Variants in AK9 observed in about 807,000 individuals in gnomAD.
AK9 encodes adenylate kinase 9.
In AK9, 191 loss-of-function variants were observed where a neutral mutation model predicts 239.6. The observed-to-expected ratio is 0.80, with a 90% CI of 0.71 to 0.90. AK9 has a LOEUF of 0.90. Among genes scored for constraint, AK9 ranks in the 40% least tolerant of loss-of-function variants. AK9 has a pLI of 0.00. For missense variants in AK9, 1,995 were observed against 2,214.7 expected, an observed-to-expected ratio of 0.90 and a Z score of 1.99; for synonymous variants, 689 against 721.0, an observed-to-expected ratio of 0.96 and a Z score of 0.71.
intron 8 of AK9, among the ~76,000 whole-genome samples, chr6:109,650,545 C>T (rs565904522): frequency 2.0e-5 from 3 of 151,926 alleles, no homozygotes; most frequent in Non-Finnish European, 4.4e-5. Flanking sequence ...CATCTCACAC[C>T]AGTTAGAATG....
intron 35 of AK9, among the ~76,000 whole-genome samples, chr6:109,500,427 T>C (rs908652366): frequency 6.6e-6 from 1 of 152,204 alleles, no homozygotes; most frequent in Non-Finnish European, 1.5e-5. Context: ...TAAGATGTTA[T>C]AGAAAATAAA....
chr6:109,645,498 G>A (rs556798563), intron 8 of AK9, among the ~76,000 whole-genome samples: 2 of 152,192 alleles, frequency 1.3e-5, no homozygotes, highest in East Asian at 1.9e-4. Context: ...CAGCAGCCAG[G>A]CTGGGCGAGG....
At chr6:109,567,996 T>C (rs1786831688) in intron 21 of AK9, among the ~76,000 whole-genome samples, 1 of 151,866 alleles carries the variant, frequency 6.6e-6, no homozygotes, top group African/African-American at 2.4e-5. Flanking sequence ...TTTAGACCAA[T>C]GTCCCTGATG....
chr6:109,559,202 T>A (rs1785415264), intron 24 of AK9, among the ~76,000 whole-genome samples: 1 of 150,628 alleles, frequency 6.6e-6, no homozygotes, highest in Admixed American at 6.7e-5. Context: ...GGGGTCTCTC[T>A]CTGTCGCCCA....
chr6:109,575,925 T>C (rs191981351), intron 20 of AK9, among the ~76,000 whole-genome samples: 74 of 152,292 alleles, frequency 4.9e-4, no homozygotes, highest in African/African-American at 1.8e-3. Flanking sequence ...GGGTGTCCTT[T>C]CTCCATTTTA....
chr6:109,618,966 G>T, intron 13 of AK9, 126 bp downstream of exon 13: 1 of 1,061,010 alleles, frequency 9.4e-7, no homozygotes, highest in Non-Finnish European at 1.3e-6. Context: ...TCAACCATTT[G>T]TTAAGAGTCT....
In AK9 at chr6:109,579,532, A is replaced by G. The variant is rs9480979; in HGVS notation, c.2191+18T>C. 1,582 of 1,546,520 alleles carry G rather than the reference A, an allele frequency of 1.0e-3. 17 individuals carry two copies. The African/African-American group carries it at 0.02, about 19-fold the overall frequency. On this transcript the variant is annotated intron_variant, in intron 20 of 40. Transcript: ENST00000424296. Reference sequence around the variant, plus strand: ...ACAATACCATGACACATCATCAGTCATAGCAATCTGTGCTTGCCTTTTGCC... The same window carrying G: ...ACAATACCATGACACATCATCAGTCGTAGCAATCTGTGCTTGCCTTTTGCC...
In AK9 at chr6:109,529,050, C is replaced by A; in HGVS notation, c.3594G>T (p.Arg1198Ser). ...TATCTCTCTCTAATATAAGTTCAGC[C>A]CTTCTTTTAGCAATCGTATCAACCT... ...KIRVDTIAKR[R>S]AELILERDKK... Residue 1198 changes from arginine to serine, a missense_variant, in exon 29 of 41, where the codon AGG becomes AGT. Coordinates refer to ENST00000424296, the MANE Select transcript of AK9 (RefSeq NM_001145128.3). 6.3e-7 allele frequency: 1 copy of A among 1,584,336 alleles called. No homozygotes were observed. Among genetic ancestry groups the A allele is most frequent in the Non-Finnish European group, 8.5e-7 (1 of 1,171,874 alleles).
chr6:109,579,001 T>C (rs1441659025), intron 20 of AK9, among the ~76,000 whole-genome samples: 1 of 152,250 alleles, frequency 6.6e-6, no homozygotes, highest in Non-Finnish European at 1.5e-5. Flanking sequence ...ATGTATATTC[T>C]GCAGTTGTTG....
At chr6:109,614,099 T>G in intron 15 of AK9, 84 bp downstream of exon 15, 1 of 1,350,486 alleles carries the variant, frequency 7.4e-7, no homozygotes, top group South Asian at 1.3e-5. Context: ...GGGGGTAATT[T>G]TAAGCATAAA....
In AK9 at chr6:109,516,506, G is replaced by A; in HGVS notation, c.3770C>T (p.Thr1257Ile). 1 of 1,551,728 alleles carries A rather than the reference G, an allele frequency of 6.4e-7. No homozygotes were observed. The highest frequency in any genetic ancestry group is 8.7e-7 in the Non-Finnish European group (1 of 1,146,992). ...ACCTCTCAGGCGCTCAATTGCATCA[G>A]TTTCCTGTTCTTCATCTTCCTCGCC... is the stretch of plus-strand genomic sequence containing the variant. ...MSGEEDEEQE[T>I]DAIERLRGEL... is the part of the protein sequence containing the mutation. Residue 1257 changes from threonine to isoleucine, a missense_variant, in exon 30 of 41, where the codon ACT becomes ATT. Coordinates refer to ENST00000424296, the MANE Select transcript of AK9 (RefSeq NM_001145128.3).
intron 27 of AK9, among the ~76,000 whole-genome samples, chr6:109,537,400 T>C (rs951622755): frequency 6.6e-6 from 1 of 151,518 alleles, no homozygotes; most frequent in African/African-American, 2.4e-5. Context: ...GTAGAGGTGT[T>C]TATAGTATTC....
At chr6:109,526,167 C>T (rs546113928) in intron 29 of AK9, among the ~76,000 whole-genome samples, 14 of 152,058 alleles carry the variant, frequency 9.2e-5, no homozygotes, top group Admixed American at 2.0e-4. Flanking sequence ...AGGGTCAAAA[C>T]ACTACCTATT....
chr6:109,652,521 C>T (rs937367510), intron 8 of AK9, among the ~76,000 whole-genome samples: 1 of 152,178 alleles, frequency 6.6e-6, no homozygotes, highest in Non-Finnish European at 1.5e-5. Context: ...TATAAGATCA[C>T]TGTCAATGTA....
chr6:109,690,283 T>C (rs979595695), intron 1 of AK9, among the ~76,000 whole-genome samples: 5 of 152,236 alleles, frequency 3.3e-5, no homozygotes, highest in Non-Finnish European at 7.3e-5. Flanking sequence ...GTTCAGTAAA[T>C]ATTTGTGGAA....
intron 15 of AK9, among the ~76,000 whole-genome samples, chr6:109,612,600 G>A (rs941684993): frequency 8.5e-5 from 13 of 152,138 alleles, no homozygotes; most frequent in Non-Finnish European, 1.6e-4. Flanking sequence ...GAGGCTGTCA[G>A]CTGCCATCTG....
intron 29 of AK9, among the ~76,000 whole-genome samples, chr6:109,520,108 T>C (rs1779680495): frequency 6.6e-6 from 1 of 152,028 alleles, no homozygotes; most frequent in Non-Finnish European, 1.5e-5. Flanking sequence ...TAGTCTTAGG[T>C]CCTTGTGGGA....
At chr6:109,670,455 T>C (rs1342306831) in intron 5 of AK9, among the ~76,000 whole-genome samples, 3 of 151,580 alleles carry the variant, frequency 2.0e-5, no homozygotes, top group Middle Eastern at 3.4e-3. Flanking sequence ...CTAGAGTTGG[T>C]TTTGGACATA....
intron 9 of AK9, 122 bp from the exon 10 acceptor site, chr6:109,641,738 G>T: frequency 1.4e-6 from 1 of 711,706 alleles, no homozygotes. Flanking sequence ...ATCCTTGCTT[G>T]CTTCTTCTGG....
Sources: allele counts gnomAD v4.1 joint callset (sites outside exome capture counted in the v4.1 genomes callset), GRCh38; gene constraint gnomAD v4.1.1; transcripts MANE v1.5; gene names NCBI Gene and HGNC (gene_info 2026-07-23, HGNC 2026-07-21).